Variants in PLIN1 observed in about 807,000 individuals in gnomAD.
PLIN1 encodes perilipin 1.
PLIN1 carries 37 observed loss-of-function variants against 45.8 expected under a neutral mutation model. The ratio of observed to expected loss-of-function variants is 0.81; its 90% CI spans 0.62 to 1.06. The LOEUF is 1.06. Ranked by LOEUF, PLIN1 falls within the 50% of genes least tolerant of loss-of-function variation. The pLI is 0.00. For synonymous variants in PLIN1, 340 were observed against 309.2 expected (o/e 1.10, Z -1.05); for missense variants, 776 against 716.5 (o/e 1.08, Z -0.95).
rs569426282 is a variant in PLIN1, at chr15:89,668,397, G to A, written c.772-604C>T. ...ATCTGAGCATTTTTCACTTGTCTTG[G>A]GAGACTTAAGTGCTCATTTCTGTTG... On this transcript the variant is annotated intron_variant, in intron 6 of 8. Transcript: ENST00000300055. Among the ~76,000 whole-genome samples the A allele has an allele frequency of 2.7e-4, 41 of 152,232 alleles. No individual in the cohort carries two copies. In the South Asian group the frequency reaches 3.9e-3, roughly 15 times the overall value.
At chr15:89,669,918 C>T in intron 5 of PLIN1, 62 bp downstream of exon 5, 1 of 1,550,430 alleles carries the variant, frequency 6.4e-7, no homozygotes, top group African/African-American at 1.4e-5. Flanking sequence ...CCACCTCCTG[C>T]TGATTCCCAG....
chr15:89,665,749 G>C lies in PLIN1; in HGVS notation c.1403C>G (p.Pro468Arg), dbSNP rs1410521666. 6.0e-6 allele frequency: 8 copies of C among 1,334,186 alleles called. No individual in the cohort carries two copies. The highest frequency in any genetic ancestry group is 7.6e-6 in the Non-Finnish European group (8 of 1,048,826). The allele number at this position is 1,334,186 out of a possible 1,614,324, so 82.6% of individuals were successfully genotyped here. Residue 468 changes from proline to arginine, a missense_variant, in exon 9 of 9, where the codon CCG becomes CGG. Coordinates refer to ENST00000300055, the MANE Select transcript of PLIN1 (RefSeq NM_002666.5). ...SAQSPGAPPG[P>R]GLEDEVATPA... ...CGTGGCGACTTCGTCCTCCAGGCCC[G>C]GGCCGGGGGGCGCGCCGGGGCTCTG...
At position 89,673,479 on chromosome 15, in the gene PLIN1, C is replaced by T. The variant is rs571053769; in HGVS notation, c.46-65G>A. 1.4e-4 allele frequency: 189 copies of T among 1,372,822 alleles called. No homozygotes were observed. The South Asian group carries it at 2.1e-3, about 15-fold the overall frequency. The allele number at this position is 1,372,822 out of a possible 1,614,324, so 85.0% of individuals were successfully genotyped here. A position where few individuals can be genotyped will look rare whatever the true frequency, so the allele number is the denominator to read the frequency against. ...TCTCCAGCCTCCCGGGAAGCTGACCCCGGGGTCATGGGGACCAATGGTGCA... is the reference window on the plus strand; with the variant it reads ...TCTCCAGCCTCCCGGGAAGCTGACCTCGGGGTCATGGGGACCAATGGTGCA... On this transcript the variant is annotated intron_variant, in intron 2 of 8. Coordinates refer to ENST00000300055, the MANE Select transcript of PLIN1 (RefSeq NM_002666.5).
intron 2 of PLIN1, 122 bp downstream of exon 2, chr15:89,677,323 T>G (rs1469721019): frequency 2.3e-6 from 2 of 858,208 alleles, no homozygotes; most frequent in Non-Finnish European, 4.1e-6. Context: ...GCCATGGTAG[T>G]CAATGAACTA....
rs1430219946 is a variant in PLIN1, at chr15:89,665,701, A to C, written c.1451T>G (p.Phe484Cys). The C allele has an allele frequency of 1.4e-6, 2 of 1,469,690 alleles. No individual in the cohort carries two copies. The highest frequency in any genetic ancestry group is 1.8e-6 in the Non-Finnish European group (2 of 1,113,768). The allele number at this position is 1,469,690 out of a possible 1,614,324, so 91.0% of individuals were successfully genotyped here. A position where few individuals can be genotyped will look rare whatever the true frequency, so the allele number is the denominator to read the frequency against. ...TGGCTTCTCGCGGGGCACGGCCGGG[A>C]AGCCCGGGCGCGGCGCTGCGGGCGT... ...VATPAAPRPG[F>C]PAVPREKPKR... Residue 484 changes from phenylalanine to cysteine, a missense_variant, in exon 9 of 9, where the codon TTC becomes TGC. Transcript: ENST00000300055.
chr15:89,675,215 G>A (rs997749956), intron 2 of PLIN1, among the ~76,000 whole-genome samples: 10 of 152,140 alleles, frequency 6.6e-5, no homozygotes, highest in Admixed American at 1.3e-4. Flanking sequence ...TTTCCGGGGT[G>A]CTGTGCTGTT....
At chr15:89,675,520 C>G (rs980623681) in intron 2 of PLIN1, among the ~76,000 whole-genome samples, 13 of 151,194 alleles carry the variant, frequency 8.6e-5, no homozygotes, top group Non-Finnish European at 1.5e-4. Flanking sequence ...GGTGAGAGGA[C>G]TGTCTGAGAC....
chr15:89,668,977 G>A (rs753315089), intron 6 of PLIN1, among the ~76,000 whole-genome samples: 1 of 150,280 alleles, frequency 6.7e-6, no homozygotes, highest in Non-Finnish European at 1.5e-5. Context: ...GAGAGGTGGA[G>A]GTGGGGAGTG....
Position 89,665,443 on chromosome 15 carries a change from GC to G in PLIN1, c.*139del. 3.5e-6 allele frequency: 2 copies of G among 564,312 alleles called. No homozygotes were observed. Among genetic ancestry groups the G allele is most frequent in the South Asian group, 9.4e-5 (2 of 21,302 alleles). 35.0% of individuals were successfully genotyped at this position (564,312 alleles called of 1,614,324 possible). ...AAAATAAAATAAAAATAAAAAGTGC[GC>G]CTTGGCAGCATCATCAGGATGAGGC... On this transcript the variant is annotated 3_prime_UTR_variant, in exon 9 of 9. Transcript: ENST00000300055.
At position 89,665,916 on chromosome 15, in the gene PLIN1, G is replaced by T; in HGVS notation, c.1236C>A (p.Pro412=). 6.5e-7 allele frequency: 1 copy of T among 1,533,620 alleles called. No individual in the cohort carries two copies. The highest frequency in any genetic ancestry group is 8.7e-7 in the Non-Finnish European group (1 of 1,148,872). Residue 412 remains proline, a synonymous_variant, in exon 9 of 9, where the codon CCC becomes CCA. Transcript: ENST00000300055. The part of the protein sequence containing the change: ...VPLPRLSLME[P]ESEFRDIDNP... ...TGTCGATGTCCCGGAATTCGCTCTCGGGCTCCATCAGCGACAGCCTGGGGA... is the reference window on the plus strand; with the variant it reads ...TGTCGATGTCCCGGAATTCGCTCTCTGGCTCCATCAGCGACAGCCTGGGGA...
In PLIN1 at chr15:89,664,560, GTAT is replaced by G. The variant is rs1964301114; in HGVS notation, c.*1020_*1022del. 2 of 236,662 alleles carry G rather than the reference GTAT, an allele frequency of 8.5e-6. No individual in the cohort carries two copies. Among genetic ancestry groups the G allele is most frequent in the Non-Finnish European group, 1.7e-5 (2 of 117,748 alleles). The allele number at this position is 236,662 out of a possible 1,614,324, so 14.7% of individuals were successfully genotyped here. On this transcript the variant is annotated 3_prime_UTR_variant, in exon 9 of 9. Transcript: ENST00000300055. Reference sequence around the variant, plus strand: ...TGTGATACAAAAATCTCTCCAAGCTGTATTATTAAGTGAAAAAAGCAGGCATGC... The same window carrying G: ...TGTGATACAAAAATCTCTCCAAGCTGTATTAAGTGAAAAAAGCAGGCATGC...
intron 7 of PLIN1, 37 bp from the exon 8 acceptor site, chr15:89,667,218 A>T: frequency 1.9e-6 from 3 of 1,610,612 alleles, no homozygotes; most frequent in Non-Finnish European, 2.5e-6. Context: ...TCCTGTGGTA[A>T]CTCCCCTGAC....
intron 4 of PLIN1, among the ~76,000 whole-genome samples, chr15:89,671,134 C>T (rs1220176393): frequency 6.6e-6 from 1 of 152,140 alleles, no homozygotes. Context: ...ATGAGTGTGA[C>T]TCATGATCTT....
Position 89,673,260 on chromosome 15 carries a change from C to A in PLIN1, c.200G>T (p.Ser67Ile). 6.3e-7 allele frequency: 1 copy of A among 1,581,000 alleles called. No homozygotes were observed. Among genetic ancestry groups the A allele is most frequent in the Non-Finnish European group, 8.6e-7 (1 of 1,162,120 alleles). Residue 67 changes from serine to isoleucine, a missense_variant, in exon 3 of 9, where the codon AGC becomes ATC. Transcript: ENST00000300055. Reference sequence around the variant, plus strand: ...CGGCTCCATGCTCCAGGCAGCCAAGCTACTGGCGCTCTGCACGCCCTTCTC... The same window carrying A: ...CGGCTCCATGCTCCAGGCAGCCAAGATACTGGCGCTCTGCACGCCCTTCTC... ...AYEKGVQSAS[S>I]LAAWSMEPVV...
Position 89,670,113 on chromosome 15 carries a change from C to A in PLIN1, c.465G>T (p.Gly155=), listed in dbSNP as rs778432135. 5 of 1,614,098 alleles carry A rather than the reference C, an allele frequency of 3.1e-6. No homozygotes were observed. The highest frequency in any genetic ancestry group is 3.3e-5 in the Admixed American group (2 of 60,018). The part of the protein sequence containing the change: ...AALAGCELAW[G]VARDTAEFAA... ...CAAATTCCGCAGTGTCTCTGGCCAC[C>A]CCCCAGGCAAGCTCGCACCCGGCCA... The change falls in exon 5 of 9, where the codon GGG becomes GGT. Residue 155 remains glycine (G), a synonymous_variant. Coordinates refer to ENST00000300055, the MANE Select transcript of PLIN1 (RefSeq NM_002666.5).
In PLIN1 at chr15:89,667,255, T is replaced by C. The variant is rs562791816; in HGVS notation, c.964-74A>G. 1.3e-5 allele frequency: 20 copies of C among 1,589,512 alleles called. No individual in the cohort carries two copies. In the South Asian group the frequency reaches 2.0e-4, roughly 16 times the overall value. On this transcript the variant is annotated intron_variant, in intron 7 of 8. Transcript: ENST00000300055. ...CTTCCCTCCCCACCAGCCCCAGGGC[T>C]AGAGGGGAAAGCATGAGAATACCAA...
Position 89,665,889 on chromosome 15 carries a change from G to A in PLIN1, c.1263C>T (p.Asn421=). The A allele has an allele frequency of 1.3e-6, 2 of 1,532,692 alleles. No homozygotes were observed. Among genetic ancestry groups the A allele is most frequent in the Non-Finnish European group, 1.7e-6 (2 of 1,148,974 alleles). 94.9% of individuals were successfully genotyped at this position (1,532,692 alleles called of 1,614,324 possible). A position where few individuals can be genotyped will look rare whatever the true frequency, so the allele number is the denominator to read the frequency against. ...CCCGGCGCTCGACCTCGGCTGGTGG[G>A]TTGTCGATGTCCCGGAATTCGCTCT... ...EPESEFRDID[N]PPAEVERREA... The change falls in exon 9 of 9, where the codon AAC becomes AAT. Residue 421 remains asparagine (N), a synonymous_variant. Transcript: ENST00000300055.
intron 8 of PLIN1, 29 bp from the exon 9 acceptor site, chr15:89,665,971 C>A: frequency 6.8e-7 from 1 of 1,461,966 alleles, no homozygotes; most frequent in Non-Finnish European, 9.1e-7. Context: ...CCTTAGAGTC[C>A]TGGCTTGGCC....
chr15:89,677,048 T>A (rs1964529884), intron 2 of PLIN1: 1 of 280,132 alleles, frequency 3.6e-6, no homozygotes, highest in Non-Finnish European at 7.0e-6. Flanking sequence ...CTCCGACAGG[T>A]GACATTTGCC....
Sources: gnomAD v4.1 joint callset for allele counts (sites outside exome capture counted in the v4.1 genomes callset) on GRCh38, gnomAD v4.1.1 for gene constraint, MANE v1.5 for transcripts, NCBI Gene and HGNC (gene_info 2026-07-23, HGNC 2026-07-21) for gene names.